CPNE4: variants seen among roughly 807,000 people sequenced by gnomAD.
CPNE4 encodes the protein copine 4, also known as copine-4.
CPNE4 carries 25 observed loss-of-function variants against 67.9 expected under a neutral mutation model. The observed-to-expected ratio is 0.37, with a 90% CI of 0.27 to 0.51. CPNE4 has a LOEUF of 0.51. Among genes scored for constraint, CPNE4 ranks in the 20% least tolerant of loss-of-function variants. CPNE4 has a pLI of 0.93. For missense variants in CPNE4, 464 were observed against 690.8 expected, an observed-to-expected ratio of 0.67 and a Z score of 3.68; for synonymous variants, 242 against 244.9, an observed-to-expected ratio of 0.99 and a Z score of 0.11.
At chr3:131,683,522 C>T (rs957793218) in intron 6 of CPNE4, among the ~76,000 whole-genome samples, 2 of 152,156 alleles carry the variant, frequency 1.3e-5, no homozygotes, top group Admixed American at 6.5e-5. Flanking sequence ...TATATTTATG[C>T]TTTCCTCTCC....
intron 7 of CPNE4, among the ~76,000 whole-genome samples, chr3:131,632,338 T>TA (rs2079251624): frequency 6.6e-6 from 1 of 152,030 alleles, no homozygotes; most frequent in Admixed American, 6.5e-5. Flanking sequence ...CATGCAACCC[T>TA]ATGAAGTAGA....
chr3:131,810,045 C>T (rs1309554884), intron 2 of CPNE4, among the ~76,000 whole-genome samples: 1 of 151,904 alleles, frequency 6.6e-6, no homozygotes, highest in Non-Finnish European at 1.5e-5. Flanking sequence ...AAGTAGAGAA[C>T]TCATAAACAT....
Position 131,571,519 on chromosome 3 carries a change from C to T in CPNE4, c.927+3552G>A, listed in dbSNP as rs572049614. ...CCTCGCGTATTTCCCTGACCAGGTC[C>T]ACTATGCTCTGTCAGTCAGGCACAA... On this transcript the variant is annotated intron_variant, in intron 10 of 15. Coordinates refer to ENST00000429747, the MANE Select transcript of CPNE4 (RefSeq NM_130808.3). Among the ~76,000 whole-genome samples the T allele has an allele frequency of 2.0e-5, 3 of 152,194 alleles. No homozygotes were observed. The South Asian group carries it at 6.2e-4, about 32-fold the overall frequency.
chr3:131,578,719 T>C (rs1937616268), intron 9 of CPNE4, among the ~76,000 whole-genome samples: 1 of 152,126 alleles, frequency 6.6e-6, no homozygotes, highest in African/African-American at 2.4e-5. Flanking sequence ...GTGGTTTAGA[T>C]AAAAGATCAA....
At chr3:131,829,172 C>A (rs2085278019) in intron 2 of CPNE4, among the ~76,000 whole-genome samples, 1 of 152,126 alleles carries the variant, frequency 6.6e-6, no homozygotes, top group Non-Finnish European at 1.5e-5. Flanking sequence ...GGCCTTCCCC[C>A]ATAACTCAAT....
chr3:131,779,518 G>A (rs1325992030), intron 2 of CPNE4, among the ~76,000 whole-genome samples: 1 of 152,040 alleles, frequency 6.6e-6, no homozygotes, highest in East Asian at 1.9e-4. Flanking sequence ...AGAGAACTCA[G>A]AAATAAAGCC....
At chr3:131,555,070 T>C (rs1323134725) in intron 12 of CPNE4, among the ~76,000 whole-genome samples, 2 of 152,042 alleles carry the variant, frequency 1.3e-5, no homozygotes. Context: ...GTGTCTCCCA[T>C]ACAAGACTTG....
chr3:131,557,514 G>T (rs1022401552), intron 11 of CPNE4, among the ~76,000 whole-genome samples: 1 of 152,066 alleles, frequency 6.6e-6, no homozygotes, highest in African/African-American at 2.4e-5. Flanking sequence ...CAAATTTGGG[G>T]TTAGGGGCTG....
At chr3:131,908,792 A>C (rs2088862313) in intron 1 of CPNE4, among the ~76,000 whole-genome samples, 2 of 152,180 alleles carry the variant, frequency 1.3e-5, no homozygotes, top group African/African-American at 4.8e-5. Context: ...TTCCCGATTC[A>C]AATCCTGACT....
intron 2 of CPNE4, among the ~76,000 whole-genome samples, chr3:131,876,310 C>T (rs571081141): frequency 1.3e-5 from 2 of 151,332 alleles, no homozygotes; most frequent in East Asian, 3.9e-4. Flanking sequence ...GAAAGGCATG[C>T]TCTTTATTTT....
chr3:131,570,617 C>A (rs1445925467), intron 10 of CPNE4, among the ~76,000 whole-genome samples: 1 of 152,004 alleles, frequency 6.6e-6, no homozygotes, highest in East Asian at 1.9e-4. Flanking sequence ...TGGTCTGTTT[C>A]ACCTCCACCC....
Position 131,581,602 on chromosome 3 carries a change from T to C in CPNE4, c.844A>G (p.Thr282Ala). ...AKKKNYKNSG[T>A]VILNLCKIHK... Reference sequence around the variant, plus strand: ...ACCTTGCACAGATTCAGAATCACAGTGCCTGAGTTCTTGTAATTCTTCTTC... The same window carrying C: ...ACCTTGCACAGATTCAGAATCACAGCGCCTGAGTTCTTGTAATTCTTCTTC... Residue 282 changes from threonine (T) to alanine (A), a missense_variant, in exon 9 of 16, where the codon ACT becomes GCT. By Grantham distance (58) the Thr-to-Ala change is moderately conservative. This residue lies in a region of CPNE4 where 201 missense variants were observed against 357.7 expected (regional missense o/e 0.56). Transcript: ENST00000429747. 6.2e-7 allele frequency: 1 copy of C among 1,613,292 alleles called. No individual in the cohort carries two copies.
At chr3:131,793,830 G>C (rs184608990) in intron 2 of CPNE4, among the ~76,000 whole-genome samples, 182 of 152,130 alleles carry the variant, frequency 1.2e-3, no homozygotes, top group African/African-American at 4.2e-3. Context: ...GTATACATGA[G>C]ATTAGAGTCC....
chr3:131,597,878 C>T (rs1218272015), intron 7 of CPNE4, among the ~76,000 whole-genome samples: 1 of 152,122 alleles, frequency 6.6e-6, no homozygotes, highest in African/African-American at 2.4e-5. Flanking sequence ...ATCAAGGTAG[C>T]ACAGTTTTGG....
rs1358893900 is a variant in CPNE4 at position 131,567,024 on chromosome 3, T to C, written c.928-2675A>G. Among the ~76,000 whole-genome samples the C allele has an allele frequency of 2.6e-5, 4 of 151,966 alleles. No individual in the cohort carries two copies. In the East Asian group the frequency reaches 7.7e-4, roughly 29 times the overall value. ...TCACTTCTATTCATGATGCCTTCCATCATGGGTCACCACCTCCTTACCTCT... is the reference window on the plus strand; with the variant it reads ...TCACTTCTATTCATGATGCCTTCCACCATGGGTCACCACCTCCTTACCTCT... On this transcript the variant is annotated intron_variant, in intron 10 of 15. Transcript: ENST00000429747.
chr3:131,964,394 G>T (rs192004527), intron 1 of CPNE4, among the ~76,000 whole-genome samples: 12 of 152,068 alleles, frequency 7.9e-5, no homozygotes, highest in African/African-American at 2.9e-4. Context: ...ACAGAAGTAG[G>T]CTTCAGAAGG....
chr3:131,700,874 GA>G (rs1212620044), intron 3 of CPNE4, among the ~76,000 whole-genome samples: 1 of 151,950 alleles, frequency 6.6e-6, no homozygotes, highest in Admixed American at 6.6e-5. Flanking sequence ...ACTGGATTAA[GA>G]AAATGTGGCA....
At chr3:131,589,064 C>T (rs180870598) in intron 7 of CPNE4, among the ~76,000 whole-genome samples, 10 of 152,260 alleles carry the variant, frequency 6.6e-5, no homozygotes, top group East Asian at 1.9e-4. Flanking sequence ...GTATTAGTCA[C>T]GGTTCTCCAG....
intron 1 of CPNE4, among the ~76,000 whole-genome samples, chr3:132,016,210 C>T (rs2073887004): frequency 6.6e-6 from 1 of 152,188 alleles, no homozygotes; most frequent in African/African-American, 2.4e-5. Flanking sequence ...GACCACTTAA[C>T]CTAGGAATTC....
Sources: allele counts gnomAD v4.1 joint callset (sites outside exome capture counted in the v4.1 genomes callset), GRCh38; gene constraint gnomAD v4.1.1; regional missense constraint gnomAD v4.1.1; transcripts MANE v1.5; gene names NCBI Gene and HGNC (gene_info 2026-07-23, HGNC 2026-07-21).